PEX6: variants seen among roughly 807,000 people sequenced by gnomAD.
The protein encoded by PEX6 is peroxisomal biogenesis factor 6.
In PEX6, 55 loss-of-function variants were observed where a neutral mutation model predicts 85.6. The ratio of observed to expected loss-of-function variants is 0.64; its 90% CI spans 0.52 to 0.80. The LOEUF (loss-of-function observed/expected upper bound fraction) is 0.80. Ranked by LOEUF, PEX6 falls within the 30% of genes least tolerant of loss-of-function variation. PEX6 has a pLI of 0.00. For synonymous variants in PEX6, 519 were observed against 549.1 expected, an observed-to-expected ratio of 0.95 and a Z score of 0.77; for missense variants, 1,099 against 1,260.3, an observed-to-expected ratio of 0.87 and a Z score of 1.94.
At chr6:42,968,245 C>T (rs753033798) in intron 7 of PEX6, 45 bp downstream of exon 7, 2 of 1,555,508 alleles carry the variant, frequency 1.3e-6, no homozygotes, top group Non-Finnish European at 8.9e-7. Flanking sequence ...CCACCGCGCC[C>T]AGCCGGCCCC....
rs1769706029 is a variant in PEX6, at chr6:42,965,072, T to C, written c.2666+3A>G. 1.2e-6 allele frequency: 2 copies of C among 1,614,108 alleles called. No individual in the cohort carries two copies. The highest frequency in any genetic ancestry group is 1.3e-5 in the African/African-American group (1 of 75,068). On this transcript the variant is annotated splice_donor_region_variant and intron_variant, in intron 15 of 16. Transcript: ENST00000304611. The surrounding 1 kb of genome is among the most constrained non-coding windows in gnomAD (Gnocchi z 5.0). Reference sequence around the variant, plus strand: ...TTCGCAGTCTTCCTCTAACAGAGCATACTTGCGTGTGATGGCACTTAGAAC... The same window carrying C: ...TTCGCAGTCTTCCTCTAACAGAGCACACTTGCGTGTGATGGCACTTAGAAC...
Position 42,974,928 on chromosome 6 carries a change from G to A in PEX6, c.993C>T (p.Tyr331=), listed in dbSNP as rs896144215. Reference sequence around the variant, plus strand: ...CACCGTCATAATTTCCATTAGTGCTGTAGTGGGGAGAAGACACAATTTCGA... The same window carrying A: ...CACCGTCATAATTTCCATTAGTGCTATAGTGGGGAGAAGACACAATTTCGA... ...LHIEIVSSPH[Y]STNGNYDGVL... Residue 331 remains tyrosine, a synonymous_variant, in exon 2 of 17, where the codon TAC becomes TAT. Transcript: ENST00000304611. 3.1e-6 allele frequency: 5 copies of A among 1,613,952 alleles called. No homozygotes were observed. Among genetic ancestry groups the A allele is most frequent in the Non-Finnish European group, 3.4e-6 (4 of 1,179,848 alleles).
At chr6:42,974,793 G>A in intron 2 of PEX6, 82 bp downstream of exon 2, 1 of 1,297,404 alleles carries the variant, frequency 7.7e-7, no homozygotes, top group South Asian at 1.2e-5. Flanking sequence ...AGGGCCTCTG[G>A]GGTACTTGGT....
intron 7 of PEX6, 50 bp from the exon 8 acceptor site, chr6:42,967,613 C>T: frequency 6.5e-7 from 1 of 1,527,176 alleles, no homozygotes; most frequent in East Asian, 2.4e-5. Context: ...CTGGCAGCTC[C>T]TGTGGACTGC....
chr6:42,964,084 G>A lies in PEX6; in HGVS notation c.*251C>T. 1.7e-6 allele frequency: 1 copy of A among 590,784 alleles called. No homozygotes were observed. Among genetic ancestry groups the A allele is most frequent in the Non-Finnish European group, 3.0e-6 (1 of 332,286 alleles). 36.6% of individuals were successfully genotyped at this position (590,784 alleles called of 1,614,324 possible). A position where few individuals can be genotyped will look rare whatever the true frequency, so the allele number is the denominator to read the frequency against. On this transcript the variant is annotated 3_prime_UTR_variant, in exon 17 of 17. Transcript: ENST00000304611. This position sits in a 1 kb window ranked among gnomAD's most constrained non-coding sequence, Gnocchi z 4.6. ...CCCAATCCCCAGAACCCAAGGCCCT[G>A]GCCCTCTTCCTGAGTAGATGGGCCT...
At position 42,978,721 on chromosome 6, in the gene PEX6, C is replaced by G. The variant is rs1334305592; in HGVS notation, c.430G>C (p.Ala144Pro). The G allele has an allele frequency of 6.5e-7, 1 of 1,540,096 alleles. No individual in the cohort carries two copies. Among genetic ancestry groups the G allele is most frequent in the Non-Finnish European group, 8.7e-7 (1 of 1,149,102 alleles). ...CCTGGGCCCAGCAGCCCTTGCAACG[C>G]CGGCCGCGTCTCCAGCACCCGCGGT... The part of the protein sequence containing the change: ...PGPRVLETRP[A>P]LQGLLGPGTR... The change falls in exon 1 of 17, where the codon GCG becomes CCG. Residue 144 changes from alanine to proline, a missense_variant. Around this residue, in one of 3 missense-constraint regions of PEX6, gnomAD observed 579 missense variants for 611.6 expected, o/e 0.95. Coordinates refer to ENST00000304611, the MANE Select transcript of PEX6 (RefSeq NM_000287.4).
rs372068727 is a variant in PEX6 at position 42,974,619 on chromosome 6, G to A, written c.1046+256C>T. ...ACTACAGGCGCCCACCACCACACTC[G>A]GCTAATTTTTTTTTTGTATTTTTAG... On this transcript the variant is annotated intron_variant, in intron 2 of 16. Transcript: ENST00000304611. Among the ~76,000 whole-genome samples, 15 of 151,132 alleles carry A rather than the reference G, an allele frequency of 9.9e-5. No individual in the cohort carries two copies. The East Asian group carries it at 2.7e-3, about 27-fold the overall frequency.
chr6:42,978,614 C>T lies in PEX6; in HGVS notation c.537G>A (p.Pro179=). The change falls in exon 1 of 17, where the codon CCG becomes CCA. Residue 179 remains proline, a synonymous_variant. Coordinates refer to ENST00000304611, the MANE Select transcript of PEX6 (RefSeq NM_000287.4). ...ESGDSSRPPP[P]PVVSSFAVSG... ...AAACCGCAAAGGAGGACACCACGGG[C>T]GGGGGTGGGGGCCGACTGCTGTCCC... The T allele has an allele frequency of 6.2e-7, 1 of 1,602,326 alleles. No individual in the cohort carries two copies.
rs1770002160 is a variant in PEX6 at position 42,969,929 on chromosome 6, C to T, written c.1189G>A (p.Ala397Thr). The T allele has an allele frequency of 1.2e-6, 2 of 1,614,120 alleles. No homozygotes were observed. Among genetic ancestry groups the T allele is most frequent in the Non-Finnish European group, 1.7e-6 (2 of 1,180,052 alleles). Residue 397 changes from alanine to threonine, a missense_variant, in exon 4 of 17, where the codon GCC (alanine) becomes ACC (threonine). Transcript: ENST00000304611. Reference protein sequence around the residue: ...KTVGEAPDGPASAYLADTTHT... With the variant: ...KTVGEAPDGPTSAYLADTTHT... ...GTGGTGTCGGCCAAGTAGGCACTGGCTGGTCCATCTGGAGCTTCCCCAACT... is the reference window on the plus strand; with the variant it reads ...GTGGTGTCGGCCAAGTAGGCACTGGTTGGTCCATCTGGAGCTTCCCCAACT...
Position 42,978,283 on chromosome 6 carries a change from C to G in PEX6, c.868G>C (p.Glu290Gln), listed in dbSNP as rs779442178. The G allele has an allele frequency of 2.5e-6, 4 of 1,614,224 alleles. No individual in the cohort carries two copies. The highest frequency in any genetic ancestry group is 3.4e-6 in the Non-Finnish European group (4 of 1,180,030). The change falls in exon 1 of 17, where the codon GAG becomes CAG. Residue 290 changes from glutamate to glutamine, a missense_variant. By Grantham distance (29) the Glu-to-Gln change is conservative (BLOSUM62 2). Coordinates refer to ENST00000304611, the MANE Select transcript of PEX6 (RefSeq NM_000287.4). ...NLGCDPLEMG[E>Q]LRIQRYLEGS... ...CTTTATCCTACCTGAATTCTGAGCTCTCCCATTTCCAGGGGGTCACAGCCA... is the reference window on the plus strand; with the variant it reads ...CTTTATCCTACCTGAATTCTGAGCTGTCCCATTTCCAGGGGGTCACAGCCA...
At chr6:42,974,603 G>A (rs1169208444) in intron 2 of PEX6, among the ~76,000 whole-genome samples, 2 of 151,316 alleles carry the variant, frequency 1.3e-5, no homozygotes, top group Admixed American at 6.6e-5. Context: ...GACTACAGGC[G>A]CCCACCACCA....
chr6:42,970,036 C>G (rs1320362158), intron 3 of PEX6, 49 bp from the exon 4 acceptor site: 4 of 1,457,014 alleles, frequency 2.7e-6, no homozygotes, highest in African/African-American at 1.4e-5. Flanking sequence ...CCAAAAACCC[C>G]CCTCCTCAAG....
In PEX6 at chr6:42,966,090, C is replaced by T; in HGVS notation, c.2316G>A (p.Glu772=). 6.2e-7 allele frequency: 1 copy of T among 1,614,164 alleles called. No homozygotes were observed. The highest frequency in any genetic ancestry group is 8.5e-7 in the Non-Finnish European group (1 of 1,180,026). The change falls in exon 12 of 17, where the codon GAG becomes GAA. Residue 772 remains glutamate (E), a synonymous_variant. Coordinates refer to ENST00000304611, the MANE Select transcript of PEX6 (RefSeq NM_000287.4). ...TTTGGCCCACATACATGTTAATGAGCTCTGGCCCCTTCACGCTGAGTGAGA... is the reference window on the plus strand; with the variant it reads ...TTTGGCCCACATACATGTTAATGAGTTCTGGCCCCTTCACGCTGAGTGAGA... ...SLTFLSVKGP[E]LINMYVGQSE...
At chr6:42,974,451 GTTTTTTTTTTT>G (rs541877938) in intron 2 of PEX6, among the ~76,000 whole-genome samples, 1 of 61,016 alleles carries the variant, frequency 1.6e-5, no homozygotes, top group Middle Eastern at 0.013. Context: ...TGTTTTTTTT[GTTTTTTTTTTT>G]TTTTTTTTTT....
chr6:42,974,124 G>C (rs764321705), intron 2 of PEX6, 38 bp from the exon 3 acceptor site: 1 of 1,491,254 alleles, frequency 6.7e-7, no homozygotes, highest in African/African-American at 1.4e-5. Context: ...GTCACAATGG[G>C]AGTAATGAGC....
Position 42,969,711 on chromosome 6 carries a change from C to T in PEX6, c.1324G>A (p.Val442Met). The T allele has an allele frequency of 6.2e-7, 1 of 1,613,380 alleles. No individual in the cohort carries two copies. The highest frequency in any genetic ancestry group is 1.1e-5 in the South Asian group (1 of 91,034). Residue 442 changes from valine to methionine, a missense_variant, in exon 5 of 17, where the codon GTG becomes ATG. Physicochemically the swap from Val to Met is conservative, Grantham distance 21. Coordinates refer to ENST00000304611, the MANE Select transcript of PEX6 (RefSeq NM_000287.4). ...SLSPPGLEALVSELCAVLKPR... is the reference protein window; with the variant it reads ...SLSPPGLEALMSELCAVLKPR... ...TTCAGGACAGCACAGAGTTCAGACA[C>T]CAAGGCCTCCAGGCCTGGAGGAGAC...
At chr6:42,975,753 C>A (rs746827584) in intron 1 of PEX6, among the ~76,000 whole-genome samples, 14 of 151,670 alleles carry the variant, frequency 9.2e-5, no homozygotes, top group Non-Finnish European at 1.8e-4. Flanking sequence ...CTTTGTCGCC[C>A]ATGATGAAGT....
chr6:42,969,743 C>T lies in PEX6; in HGVS notation c.1292G>A (p.Ser431Asn). Residue 431 changes from serine (S) to asparagine (N), a missense_variant, in exon 5 of 17, where the codon AGC becomes AAC. Ser to Asn is a conservative substitution (Grantham distance 46). Around this residue, in one of 3 missense-constraint regions of PEX6, gnomAD observed 579 missense variants for 611.6 expected, o/e 0.95. Transcript: ENST00000304611. ...WLPSEESTLWSSLSPPGLEAL... is the reference protein window; with the variant it reads ...WLPSEESTLWNSLSPPGLEAL... ...CTCCAGGCCTGGAGGAGACAAACTGCTCCAGAGAGTGGATTCCTCTGAAGG... is the reference window on the plus strand; with the variant it reads ...CTCCAGGCCTGGAGGAGACAAACTGTTCCAGAGAGTGGATTCCTCTGAAGG... The T allele has an allele frequency of 6.2e-7, 1 of 1,613,898 alleles. No individual in the cohort carries two copies. Among genetic ancestry groups the T allele is most frequent in the Non-Finnish European group, 8.5e-7 (1 of 1,180,008 alleles).
At chr6:42,978,201 A>G in intron 1 of PEX6, 68 bp downstream of exon 1, 4 of 1,574,050 alleles carry the variant, frequency 2.5e-6, no homozygotes, top group East Asian at 2.2e-5. Context: ...AAATCTTCCA[A>G]TTTACCTAAG....
Sources: allele counts gnomAD v4.1 joint callset (sites outside exome capture counted in the v4.1 genomes callset), GRCh38; gene constraint gnomAD v4.1.1; regional missense constraint gnomAD v4.1.1; non-coding constraint Gnocchi (gnomAD v3.1); transcripts MANE v1.5; gene names NCBI Gene and HGNC (gene_info 2026-07-23, HGNC 2026-07-21).